MXD1: variants seen among roughly 807,000 people sequenced by gnomAD.
The protein encoded by MXD1 is MAX-binding protein.
MXD1 carries 9 observed loss-of-function variants against 25.7 expected under a neutral mutation model. The ratio of observed to expected loss-of-function variants is 0.35; its 90% CI spans 0.21 to 0.61. The LOEUF (loss-of-function observed/expected upper bound fraction) is 0.61, where lower values mean the gene tolerates loss of function less well. Among genes scored for constraint, MXD1 ranks in the 20% least tolerant of loss-of-function variants. The pLI is 0.75. For synonymous variants in MXD1, 99 were observed against 113.9 expected (o/e 0.87, Z 0.83); for missense variants, 227 against 292.4 (o/e 0.78, Z 1.63).
At chr2:69,920,740 A>G (rs889311816) in intron 2 of MXD1, among the ~76,000 whole-genome samples, 1 of 152,204 alleles carries the variant, frequency 6.6e-6, no homozygotes, top group Non-Finnish European at 1.5e-5. Context: ...TAGAAAGGTC[A>G]AGCAAGATTC....
intron 3 of MXD1, among the ~76,000 whole-genome samples, chr2:69,923,581 CGTGT>C (rs10652254): frequency 6.7e-6 from 1 of 150,302 alleles, no homozygotes; most frequent in Admixed American, 6.6e-5. Flanking sequence ...TATGGAATTT[CGTGT>C]GTGTGTGTGT....
chr2:69,937,361 A>C lies in MXD1; in HGVS notation c.445A>C (p.Thr149Pro), dbSNP rs777357142. ...GATCCGGATGGACAGCATCGGCTCCACCGTCTCCTCGGAGCGCTCCGACTC... is the reference window on the plus strand; with the variant it reads ...GATCCGGATGGACAGCATCGGCTCCCCCGTCTCCTCGGAGCGCTCCGACTC... ...ERIRMDSIGSTVSSERSDSDR... is the reference protein window; with the variant it reads ...ERIRMDSIGSPVSSERSDSDR... Residue 149 changes from threonine (T) to proline (P), a missense_variant, in exon 5 of 6, where the codon ACC (threonine) becomes CCC (proline). By Grantham distance (38) the Thr-to-Pro change is conservative. Coordinates refer to ENST00000264444, the MANE Select transcript of MXD1 (RefSeq NM_002357.4). 6.2e-7 allele frequency: 1 copy of C among 1,613,534 alleles called. No homozygotes were observed. Among genetic ancestry groups the C allele is most frequent in the Non-Finnish European group, 8.5e-7 (1 of 1,179,760 alleles).
At position 69,942,884 on chromosome 2, in the gene MXD1, G is replaced by A. The variant is rs964083448; in HGVS notation, c.*4600G>A. On this transcript the variant is annotated 3_prime_UTR_variant, in exon 6 of 6. Coordinates refer to ENST00000264444, the MANE Select transcript of MXD1 (RefSeq NM_002357.4). ...ACATGTTTTAGAGAATCTTTGCTGTGTATATGTAAACTGTATTGTTCAACT... is the reference window on the plus strand; with the variant it reads ...ACATGTTTTAGAGAATCTTTGCTGTATATATGTAAACTGTATTGTTCAACT... 2.0e-5 allele frequency: 3 copies of A among 152,126 alleles called. No individual in the cohort carries two copies. Among genetic ancestry groups the A allele is most frequent in the Non-Finnish European group, 4.4e-5 (3 of 68,026 alleles). 9.4% of individuals were successfully genotyped at this position (152,126 alleles called of 1,614,324 possible).
chr2:69,927,518 A>G (rs1287224838), intron 3 of MXD1, among the ~76,000 whole-genome samples: 3 of 152,216 alleles, frequency 2.0e-5, no homozygotes, highest in Non-Finnish European at 4.4e-5. Flanking sequence ...GCCTTTGGCA[A>G]GACTTGGAGG....
At chr2:69,916,698 G>A (rs1676968980) in intron 2 of MXD1, among the ~76,000 whole-genome samples, 2 of 152,110 alleles carry the variant, frequency 1.3e-5, no homozygotes, top group Admixed American at 6.5e-5. Flanking sequence ...TAAATACAGT[G>A]GTTTGTTTGA....
chr2:69,925,976 C>T (rs1338241407), intron 3 of MXD1, among the ~76,000 whole-genome samples: 1 of 152,172 alleles, frequency 6.6e-6, no homozygotes, highest in African/African-American at 2.4e-5. Flanking sequence ...TTTTAATTTG[C>T]ATTTCTCATA....
At position 69,939,539 on chromosome 2, in the gene MXD1, CTAATG is replaced by C. The variant is rs1206030121; in HGVS notation, c.*1261_*1265del. ...ATACTATTTATTCATTTTATATAAA[CTAATG>C]TAATGGAAAACAAATTCTTATGACT... On this transcript the variant is annotated 3_prime_UTR_variant, in exon 6 of 6. Transcript: ENST00000264444. 3 of 152,588 alleles carry C rather than the reference CTAATG, an allele frequency of 2.0e-5. No homozygotes were observed. Among genetic ancestry groups the C allele is most frequent in the Non-Finnish European group, 2.9e-5 (2 of 68,032 alleles). The allele number at this position is 152,588 out of a possible 1,614,324, so 9.5% of individuals were successfully genotyped here. A position where few individuals can be genotyped will look rare whatever the true frequency, so the allele number is the denominator to read the frequency against.
intron 3 of MXD1, among the ~76,000 whole-genome samples, chr2:69,923,666 T>C (rs1677115829): frequency 6.6e-6 from 1 of 152,198 alleles, no homozygotes; most frequent in African/African-American, 2.4e-5. Flanking sequence ...TTTTAATTGT[T>C]CTATGATTGT....
chr2:69,938,519 A>G lies in MXD1; in HGVS notation c.*235A>G. On this transcript the variant is annotated 3_prime_UTR_variant, in exon 6 of 6. Transcript: ENST00000264444. The stretch of plus-strand genomic sequence containing the variant: ...TGTCTCTGAGAGACTATACATTCCA[A>G]TCAATTTGAAGCATCCAAGAATTCT... The G allele has an allele frequency of 2.1e-6, 1 of 473,594 alleles. No individual in the cohort carries two copies. The highest frequency in any genetic ancestry group is 3.8e-6 in the Non-Finnish European group (1 of 263,788). The allele number at this position is 473,594 out of a possible 1,614,324, so 29.3% of individuals were successfully genotyped here.
At chr2:69,932,009 G>A (rs1238186711) in intron 3 of MXD1, among the ~76,000 whole-genome samples, 1 of 152,180 alleles carries the variant, frequency 6.6e-6, no homozygotes, top group East Asian at 1.9e-4. Context: ...GAGGTGTCGG[G>A]TGGCTTCCTG....
chr2:69,935,231 T>C lies in MXD1; in HGVS notation c.204-120T>C, dbSNP rs928087200. 1.0e-5 allele frequency: 7 copies of C among 691,046 alleles called. No individual in the cohort carries two copies. The African/African-American group carries it at 1.1e-4, about 11-fold the overall frequency. 42.8% of individuals were successfully genotyped at this position (691,046 alleles called of 1,614,324 possible). A position where few individuals can be genotyped will look rare whatever the true frequency, so the allele number is the denominator to read the frequency against. ...ATATGTTTATTCAGCAAAAGGTCATTGGTAGCATTTGCCATCGCAAGGCCT... is the reference window on the plus strand; with the variant it reads ...ATATGTTTATTCAGCAAAAGGTCATCGGTAGCATTTGCCATCGCAAGGCCT... On this transcript the variant is annotated intron_variant, in intron 3 of 5. Transcript: ENST00000264444.
intron 3 of MXD1, among the ~76,000 whole-genome samples, chr2:69,923,341 C>G (rs966185460): frequency 5.9e-5 from 9 of 152,146 alleles, no homozygotes; most frequent in Admixed American, 2.6e-4. Flanking sequence ...GAAATGCGGG[C>G]TACCCATCCA....
At chr2:69,935,934 G>C (rs1325102295) in intron 4 of MXD1, among the ~76,000 whole-genome samples, 2 of 152,068 alleles carry the variant, frequency 1.3e-5, no homozygotes, top group Admixed American at 1.3e-4. Flanking sequence ...CTGTGGCTCA[G>C]GACAAGCTCT....
chr2:69,917,448 A>T (rs1198386737), intron 2 of MXD1, among the ~76,000 whole-genome samples: 2 of 152,234 alleles, frequency 1.3e-5, no homozygotes, highest in African/African-American at 4.8e-5. Flanking sequence ...GACTTGTAAT[A>T]TGCAATGGTG....
At position 69,918,454 on chromosome 2, in the gene MXD1, G is replaced by A. The variant is rs140563980; in HGVS notation, c.173+2234G>A. On this transcript the variant is annotated intron_variant, in intron 2 of 5. Coordinates refer to ENST00000264444, the MANE Select transcript of MXD1 (RefSeq NM_002357.4). ...TGTTTTTGAAATTATCCATAGAACT[G>A]CTGGAATATGGGAAGATGGAAGTTT... 4.2e-3 allele frequency among the ~76,000 whole-genome samples: 646 copies of A among 152,334 alleles called. 6 individuals carry two copies. Among genetic ancestry groups the A allele is most frequent in the African/African-American group, 0.013 (551 of 41,572 alleles).
chr2:69,932,286 A>G (rs1677305902), intron 3 of MXD1, among the ~76,000 whole-genome samples: 1 of 152,122 alleles, frequency 6.6e-6, no homozygotes, highest in Non-Finnish European at 1.5e-5. Context: ...GCTGTACATA[A>G]CAGAGGGGTC....
Position 69,938,964 on chromosome 2 carries a change from A to C in MXD1, c.*680A>C, listed in dbSNP as rs1677530963. ...AGTTCCAAATTGTTTGTTCTCACAA[A>C]CAAAACGGTACAATCTATTTTTGTG... On this transcript the variant is annotated 3_prime_UTR_variant, in exon 6 of 6. Transcript: ENST00000264444. The C allele has an allele frequency of 6.6e-6, 1 of 152,588 alleles. No homozygotes were observed. The highest frequency in any genetic ancestry group is 2.1e-4 in the South Asian group (1 of 4,820). The allele number at this position is 152,588 out of a possible 1,614,324, so 9.5% of individuals were successfully genotyped here. A position where few individuals can be genotyped will look rare whatever the true frequency, so the allele number is the denominator to read the frequency against.
rs1370852422 is a variant in MXD1, at chr2:69,938,682, A to T, written c.*398A>T. The T allele has an allele frequency of 6.4e-6, 1 of 157,416 alleles. No individual in the cohort carries two copies. The highest frequency in any genetic ancestry group is 1.9e-4 in the East Asian group (1 of 5,344). 9.8% of individuals were successfully genotyped at this position (157,416 alleles called of 1,614,324 possible). ...GAATGTCCAAGTGTGTCTTGTACTT[A>T]GGAAACTGAAGGAAACAAACTTTTG... On this transcript the variant is annotated 3_prime_UTR_variant, in exon 6 of 6. Transcript: ENST00000264444.
At chr2:69,932,483 G>A (rs1677312593) in intron 3 of MXD1, among the ~76,000 whole-genome samples, 1 of 152,180 alleles carries the variant, frequency 6.6e-6, no homozygotes, top group Non-Finnish European at 1.5e-5. Flanking sequence ...AGAAGGCCAA[G>A]GCAGACACTG....
Sources: gnomAD v4.1 joint callset for allele counts (sites outside exome capture counted in the v4.1 genomes callset) on GRCh38, gnomAD v4.1.1 for gene constraint, MANE v1.5 for transcripts, NCBI Gene and HGNC (gene_info 2026-07-23, HGNC 2026-07-21) for gene names.